SNRNP40: variants seen among roughly 807,000 people sequenced by gnomAD.
SNRNP40 encodes the protein U5 small nuclear ribonucleoprotein 40 kDa protein.
Under a neutral mutation model 45.8 loss-of-function variants are expected in SNRNP40, and 21 were observed. The observed-to-expected ratio is 0.46, with a 90% confidence interval of 0.32 to 0.66. SNRNP40 has a LOEUF of 0.66. Among genes scored for constraint, SNRNP40 ranks in the 30% least tolerant of loss-of-function variants. The pLI, the probability that SNRNP40 is intolerant of heterozygous loss-of-function variation, is 0.03. For synonymous variants in SNRNP40, 142 were observed against 163.8 expected, an observed-to-expected ratio of 0.87 and a Z score of 1.01; for missense variants, 344 against 439.1, an observed-to-expected ratio of 0.78 and a Z score of 1.94.
intron 4 of SNRNP40, among the ~76,000 whole-genome samples, chr1:31,285,304 C>T (rs377263957): frequency 7.5e-5 from 11 of 146,710 alleles, no homozygotes; most frequent in African/African-American, 2.5e-4. Context: ...AGTGCAGTGG[C>T]GTGATCTCCG....
intron 2 of SNRNP40, 112 bp downstream of exon 2, chr1:31,293,107 A>T (rs1646118333): frequency 4.3e-6 from 5 of 1,164,890 alleles, no homozygotes; most frequent in African/African-American, 1.5e-5. Context: ...TTAGCCATGC[A>T]GCCTGTTATG....
At chr1:31,261,900 AG>A (rs1365736176) in intron 8 of SNRNP40, 1 of 275,692 alleles carries the variant, frequency 3.6e-6, no homozygotes, top group Non-Finnish European at 6.8e-6. Context: ...GAAACACCAC[AG>A]GGAAGAAAAG....
chr1:31,261,143 C>A (rs1419410780), intron 9 of SNRNP40: 2 of 502,274 alleles, frequency 4.0e-6, no homozygotes, highest in Admixed American at 3.3e-5. Context: ...GAGTTCGTGA[C>A]CACCCTGACC....
intron 8 of SNRNP40, among the ~76,000 whole-genome samples, chr1:31,265,750 G>A (rs911008255): frequency 7.9e-5 from 12 of 152,318 alleles, no homozygotes; most frequent in African/African-American, 2.9e-4. Flanking sequence ...TGAGGCAGGA[G>A]AATGGTGTAA....
chr1:31,264,099 A>G (rs545501597), intron 8 of SNRNP40, among the ~76,000 whole-genome samples: 1 of 152,096 alleles, frequency 6.6e-6, no homozygotes, highest in Non-Finnish European at 1.5e-5. Context: ...GCAATCAACA[A>G]CTCACCAGTA....
At chr1:31,267,984 A>G (rs367751563) in intron 7 of SNRNP40, 52 bp from the exon 8 acceptor site, 102 of 1,262,866 alleles carry the variant, frequency 8.1e-5, no homozygotes, top group African/African-American at 2.9e-4. Flanking sequence ...TCCTCTTTGC[A>G]AGGCTACCGA....
chr1:31,292,402 G>A (rs1646113954), intron 2 of SNRNP40, among the ~76,000 whole-genome samples: 3 of 152,100 alleles, frequency 2.0e-5, no homozygotes, highest in Admixed American at 2.0e-4. Flanking sequence ...AAACTATGTA[G>A]TTTGTCTGAT....
intron 7 of SNRNP40, among the ~76,000 whole-genome samples, 160 bp downstream of exon 7, chr1:31,268,998 T>G (rs1241685463): frequency 6.6e-6 from 1 of 152,224 alleles, no homozygotes; most frequent in Non-Finnish European, 1.5e-5. Flanking sequence ...TCACTATTAT[T>G]TCTATCCGTT....
intron 3 of SNRNP40, 122 bp from the exon 4 acceptor site, chr1:31,289,541 T>C (rs1646087355): frequency 2.5e-6 from 2 of 809,320 alleles, no homozygotes; most frequent in African/African-American, 3.4e-5. Context: ...GCTACGCCAG[T>C]TTGCCCATGA....
intron 8 of SNRNP40, chr1:31,263,803 C>T (rs1569632319): frequency 1.4e-5 from 3 of 215,854 alleles, no homozygotes; most frequent in East Asian, 3.4e-4. Context: ...TCCTATGTTC[C>T]TGACCACCTC....
intron 5 of SNRNP40, among the ~76,000 whole-genome samples, chr1:31,272,459 C>T (rs1223475992): frequency 6.6e-6 from 1 of 152,140 alleles, no homozygotes; most frequent in East Asian, 1.9e-4. Flanking sequence ...AATTCTCATA[C>T]AGGAGATAGC....
At chr1:31,287,364 A>G (rs1646067394) in intron 4 of SNRNP40, among the ~76,000 whole-genome samples, 1 of 152,230 alleles carries the variant, frequency 6.6e-6, no homozygotes, top group Admixed American at 6.5e-5. Context: ...TAAGGTAAAA[A>G]TAACTATTCC....
At chr1:31,269,649 C>T (rs116664768) in intron 6 of SNRNP40, 218 of 301,516 alleles carry the variant, frequency 7.2e-4, no homozygotes, top group African/African-American at 4.2e-3. Flanking sequence ...ACTTACATCG[C>T]CCTTTCCTAA....
chr1:31,290,296 A>G (rs558016213), intron 3 of SNRNP40, among the ~76,000 whole-genome samples: 36 of 152,294 alleles, frequency 2.4e-4, no homozygotes, highest in African/African-American at 7.5e-4. Context: ...CAGCCTCCCA[A>G]ATAGCTGGGA....
At chr1:31,269,480 C>A in intron 6 of SNRNP40, 1 of 961,406 alleles carries the variant, frequency 1.0e-6, no homozygotes, top group Non-Finnish European at 1.4e-6. Context: ...ATGTCACACA[C>A]AATGTTGGTA....
At chr1:31,276,761 G>A (rs944180252) in intron 5 of SNRNP40, among the ~76,000 whole-genome samples, 3 of 152,062 alleles carry the variant, frequency 2.0e-5, no homozygotes, top group Admixed American at 2.0e-4. Context: ...GGCCAGGCGT[G>A]GTGGCTCACT....
At chr1:31,269,078 TG>T in intron 7 of SNRNP40, 79 bp downstream of exon 7, 1 of 1,265,324 alleles carries the variant, frequency 7.9e-7, no homozygotes, top group Non-Finnish European at 1.1e-6. Flanking sequence ...GCAGAGCTAC[TG>T]CTCTCTATCC....
At chr1:31,264,207 G>A (rs1175941881) in intron 8 of SNRNP40, among the ~76,000 whole-genome samples, 1 of 152,092 alleles carries the variant, frequency 6.6e-6, no homozygotes, top group Non-Finnish European at 1.5e-5. Context: ...ATAAACAAGA[G>A]CTTCTTAATT....
At chr1:31,271,344 T>C in intron 6 of SNRNP40, 35 bp downstream of exon 6, 1 of 1,593,774 alleles carries the variant, frequency 6.3e-7, no homozygotes, top group South Asian at 1.1e-5. Flanking sequence ...GACTTTTTCC[T>C]TGGATCCTGG....
Sources: allele counts gnomAD v4.1 joint callset (sites outside exome capture counted in the v4.1 genomes callset), GRCh38; gene constraint gnomAD v4.1.1; transcripts MANE v1.5; gene names NCBI Gene and HGNC (gene_info 2026-07-23, HGNC 2026-07-21).